Variants in CDH6 observed in about 807,000 individuals in gnomAD.
CDH6 encodes cadherin-6.
In CDH6, 31 loss-of-function variants were observed where a neutral mutation model predicts 78.0. The ratio of observed to expected loss-of-function variants is 0.40; its 90% confidence interval spans 0.30 to 0.54. The LOEUF (loss-of-function observed/expected upper bound fraction) is 0.54, where lower values mean the gene tolerates loss of function less well. Among genes scored for constraint, CDH6 ranks in the 20% least tolerant of loss-of-function variants. The pLI is 0.56. For missense variants in CDH6, 724 were observed against 975.9 expected (o/e 0.74, Z 3.44); for synonymous variants, 376 against 368.8 (o/e 1.02, Z -0.23).
intron 1 of CDH6, among the ~76,000 whole-genome samples, chr5:31,236,832 C>G (rs1741466941): frequency 6.6e-6 from 1 of 152,078 alleles, no homozygotes; most frequent in Non-Finnish European, 1.5e-5. Context: ...AGAAGGGGGT[C>G]CCCAAGCACT....
intron 1 of CDH6, among the ~76,000 whole-genome samples, chr5:31,222,294 T>C (rs777286332): frequency 5.9e-5 from 9 of 152,212 alleles, no homozygotes; most frequent in Non-Finnish European, 1.3e-4. Context: ...ATTCTAAGAA[T>C]GTAATCCTGC....
chr5:31,262,840 T>TC (rs1742244596), intron 1 of CDH6, among the ~76,000 whole-genome samples: 1 of 152,176 alleles, frequency 6.6e-6, no homozygotes, highest in Non-Finnish European at 1.5e-5. Context: ...ACCACATGGT[T>TC]CCCCTCTACT....
In CDH6 at chr5:31,294,101, T is replaced by G. The variant is rs2149947647; in HGVS notation, c.368T>G (p.Val123Gly). The G allele has an allele frequency of 6.2e-7, 1 of 1,612,954 alleles. No homozygotes were observed. The highest frequency in any genetic ancestry group is 1.1e-5 in the South Asian group (1 of 91,000). The change falls in exon 3 of 12, where the codon GTT becomes GGT. Residue 123 changes from valine (V) to glycine (G), a missense_variant. Around this residue, in one of 3 missense-constraint regions of CDH6, gnomAD observed 446 missense variants for 684.5 expected, o/e 0.65. Coordinates refer to ENST00000265071, the MANE Select transcript of CDH6 (RefSeq NM_004932.4). This position sits in a 1 kb window ranked among gnomAD's most constrained non-coding sequence, Gnocchi z 4.1. ...AGGCTGGACAGGGAAGAAAAACCCG[T>G]TTACATCCTTCGAGCTCAAGCTATA... is the stretch of plus-strand genomic sequence containing the variant. ...TKRLDREEKP[V>G]YILRAQAINR...
At chr5:31,264,630 C>T (rs1447294280) in intron 1 of CDH6, among the ~76,000 whole-genome samples, 1 of 152,126 alleles carries the variant, frequency 6.6e-6, no homozygotes, top group African/African-American at 2.4e-5. Flanking sequence ...TAGAATTTCA[C>T]AGAGAAATCT....
intron 2 of CDH6, among the ~76,000 whole-genome samples, chr5:31,278,657 C>G (rs9292426): frequency 0.37 from 55,660 of 151,994 alleles, 10,510 homozygotes; most frequent in African/African-American, 0.43. Context: ...TGATTGCAAC[C>G]ATTCACAAAA....
intron 1 of CDH6, among the ~76,000 whole-genome samples, chr5:31,235,930 C>A (rs781538878): frequency 9.2e-5 from 14 of 151,990 alleles, no homozygotes; most frequent in Non-Finnish European, 1.8e-4. Flanking sequence ...ATTCATTAAC[C>A]ATATTTGTAT....
rs1164542026 is a variant in CDH6 at position 31,327,007 on chromosome 5, C to T, written c.*3699C>T. ...CCGCGCCCGGCCTTAAAAATTGAAT[C>T]TGTAGCTTAGGCCATCCAAATTTTA... is the stretch of plus-strand genomic sequence containing the variant. On this transcript the variant is annotated 3_prime_UTR_variant, in exon 12 of 12. Coordinates refer to ENST00000265071, the MANE Select transcript of CDH6 (RefSeq NM_004932.4). 5.7e-6 allele frequency: 1 copy of T among 174,830 alleles called. No individual in the cohort carries two copies. The highest frequency in any genetic ancestry group is 9.9e-5 in the East Asian group (1 of 10,078). 10.8% of individuals were successfully genotyped at this position (174,830 alleles called of 1,614,324 possible).
chr5:31,270,268 AG>A (rs1742485812), intron 2 of CDH6, among the ~76,000 whole-genome samples: 1 of 152,244 alleles, frequency 6.6e-6, no homozygotes, highest in African/African-American at 2.4e-5. Context: ...CAGAGCCCTT[AG>A]GCTCAAAGAA....
intron 1 of CDH6, among the ~76,000 whole-genome samples, chr5:31,246,943 G>A (rs566357243): frequency 8.5e-5 from 13 of 152,282 alleles, no homozygotes; most frequent in African/African-American, 2.2e-4. Context: ...TAGAGACGGG[G>A]TTTCACCATG....
Position 31,267,660 on chromosome 5 carries a change from C to G in CDH6, c.187C>G (p.Leu63Val), listed in dbSNP as rs759260938. Residue 63 changes from leucine to valine, a missense_variant, in exon 2 of 12, where the codon CTG becomes GTG. Transcript: ENST00000265071. ...RSWMWNQFFL[L>V]EEYTGSDYQY... ...CTGGATGTGGAATCAGTTCTTTCTC[C>G]TGGAGGAATACACAGGATCCGATTA... 6.2e-7 allele frequency: 1 copy of G among 1,614,110 alleles called. No homozygotes were observed. Among genetic ancestry groups the G allele is most frequent in the Admixed American group, 1.7e-5 (1 of 60,008 alleles).
In CDH6 at chr5:31,322,811, C is replaced by T; in HGVS notation, c.1883-7C>T. 1.9e-6 allele frequency: 3 copies of T among 1,598,618 alleles called. No individual in the cohort carries two copies. Among genetic ancestry groups the T allele is most frequent in the Admixed American group, 1.7e-5 (1 of 57,782 alleles). On this transcript the variant is annotated splice_region_variant and splice_polypyrimidine_tract_variant and intron_variant, in intron 11 of 11. Coordinates refer to ENST00000265071, the MANE Select transcript of CDH6 (RefSeq NM_004932.4). ...CCTTCCCTTTCTGTTTTGTTTTCTGCTTCCAGTGACAGTGGTGCTGTTTGC... is the reference window on the plus strand; with the variant it reads ...CCTTCCCTTTCTGTTTTGTTTTCTGTTTCCAGTGACAGTGGTGCTGTTTGC...
At chr5:31,212,911 G>C (rs879328815) in intron 1 of CDH6, among the ~76,000 whole-genome samples, 2 of 152,062 alleles carry the variant, frequency 1.3e-5, no homozygotes, top group Middle Eastern at 3.2e-3. Context: ...ACCTTCCTTT[G>C]CTATTCCCCA....
chr5:31,297,533 T>C, intron 4 of CDH6, 125 bp downstream of exon 4: 1 of 656,704 alleles, frequency 1.5e-6, no homozygotes, highest in African/African-American at 1.8e-5. Context: ...CACCAAACAC[T>C]AATGATATAT....
At chr5:31,320,077 A>G (rs1261063580) in intron 11 of CDH6, among the ~76,000 whole-genome samples, 1 of 152,124 alleles carries the variant, frequency 6.6e-6, no homozygotes, top group Non-Finnish European at 1.5e-5. Flanking sequence ...TCAAAAGGGT[A>G]AGGGAAAGGG....
chr5:31,302,786 GAGAGAGAGAGAGAGAAAGAA>G lies in CDH6; in HGVS notation c.999+492_999+511del, dbSNP rs1181237722. Among the ~76,000 whole-genome samples, 24 of 54,488 alleles carry G rather than the reference GAGAGAGAGAGAGAGAAAGAA, an allele frequency of 4.4e-4. 1 individual carries two copies. Among genetic ancestry groups the G allele is most frequent in the African/African-American group, 1.6e-3 (22 of 13,476 alleles). The allele number at this position is 54,488 out of a possible 152,430, so 35.7% of individuals were successfully genotyped here. A position where few individuals can be genotyped will look rare whatever the true frequency, so the allele number is the denominator to read the frequency against. The stretch of plus-strand genomic sequence containing the variant: ...GAAAGAAAGAAAGAAGAAAGAGAGA[GAGAGAGAGAGAGAGAAAGAA>G]AGAAAGAAAGAAAGAAAGAAAGAAA... On this transcript the variant is annotated intron_variant, in intron 6 of 11. Transcript: ENST00000265071.
chr5:31,214,938 G>T (rs1403337773), intron 1 of CDH6, among the ~76,000 whole-genome samples: 1 of 152,136 alleles, frequency 6.6e-6, no homozygotes, highest in Non-Finnish European at 1.5e-5. Flanking sequence ...TTCTATGATT[G>T]AAATTATAGT....
chr5:31,272,723 C>T (rs915342665), intron 2 of CDH6, among the ~76,000 whole-genome samples: 3 of 152,182 alleles, frequency 2.0e-5, no homozygotes, highest in Non-Finnish European at 4.4e-5. Context: ...TTTAACCCCT[C>T]CTTCCACACA....
intron 1 of CDH6, among the ~76,000 whole-genome samples, chr5:31,197,525 C>T (rs968579508): frequency 6.6e-6 from 1 of 152,000 alleles, no homozygotes; most frequent in Non-Finnish European, 1.5e-5. Context: ...ATTTACTTCA[C>T]AAAAAAAGTG....
At chr5:31,303,180 G>C (rs1338595079) in intron 6 of CDH6, among the ~76,000 whole-genome samples, 2 of 152,170 alleles carry the variant, frequency 1.3e-5, no homozygotes, top group African/African-American at 4.8e-5. Context: ...AACAGTGCCA[G>C]ACATTGCTCT....
Sources: allele counts gnomAD v4.1 joint callset (sites outside exome capture counted in the v4.1 genomes callset), GRCh38; gene constraint gnomAD v4.1.1; regional missense constraint gnomAD v4.1.1; non-coding constraint Gnocchi (gnomAD v3.1); transcripts MANE v1.5; gene names NCBI Gene and HGNC (gene_info 2026-07-23, HGNC 2026-07-21).